PRR33: variants seen among roughly 807,000 people sequenced by gnomAD.
PRR33 encodes proline rich 33.
A neutral mutation model predicts 0.5 loss-of-function variants in PRR33; 1 was observed. The observed-to-expected ratio is 2.18, with a 90% CI of 0.77 to 10.34. PRR33 has a LOEUF of 10.34. PRR33 is among the 30% of genes most tolerant of loss of function. The pLI is 0.13. For synonymous variants in PRR33, 226 were observed against 110.0 expected, an observed-to-expected ratio of 2.06 and a Z score of -6.60; for missense variants, 552 against 251.8, an observed-to-expected ratio of 2.19 and a Z score of -8.07.
At chr11:1,904,618 C>T in the PRR33 span, among the ~76,000 whole-genome samples, 2 of 151,674 alleles carry the variant, frequency 1.3e-5, no homozygotes, top group Non-Finnish European at 2.9e-5. Context: ...GAGGCTGAGG[C>T]AGGTGGATCA....
chr11:1,911,321 A>G, the PRR33 span, among the ~76,000 whole-genome samples: 3 of 150,428 alleles, frequency 2.0e-5, no homozygotes, highest in Non-Finnish European at 3.0e-5. Context: ...GGGCGCCTGT[A>G]ATCCCAGCTA....
chr11:1,908,524 C>T, the PRR33 span, among the ~76,000 whole-genome samples: 16 of 151,962 alleles, frequency 1.1e-4, no homozygotes, highest in Non-Finnish European at 1.9e-4. Flanking sequence ...TCAAGAGGAC[C>T]GTCGCTAAGT....
At chr11:1,913,493 G>A in the PRR33 span, among the ~76,000 whole-genome samples, 392 of 152,254 alleles carry the variant, frequency 2.6e-3, 1 homozygote, top group African/African-American at 9.0e-3. Context: ...CCTCTGTCTT[G>A]TTTTAGCTGC....
At chr11:1,910,932 G>A in the PRR33 span, among the ~76,000 whole-genome samples, 1 of 152,056 alleles carries the variant, frequency 6.6e-6, no homozygotes, top group Non-Finnish European at 1.5e-5. Flanking sequence ...TTTTTCTAAT[G>A]GTGTCCTACC....
exon 1 of PRR33, chr11:1,889,308 G>T (rs1015277947): frequency 2.8e-6 from 2 of 706,876 alleles, no homozygotes; most frequent in South Asian, 3.0e-5. Flanking sequence ...GCTGGCTGGG[G>T]TGTGCTCCCC....
the PRR33 span, among the ~76,000 whole-genome samples, chr11:1,898,156 C>G: frequency 6.6e-6 from 1 of 152,166 alleles, no homozygotes; most frequent in Non-Finnish European, 1.5e-5. Flanking sequence ...TCCCACACAC[C>G]TTTAGCAAGA....
the PRR33 span, among the ~76,000 whole-genome samples, chr11:1,904,543 AAAG>A: frequency 2.6e-5 from 4 of 151,362 alleles, no homozygotes; most frequent in Non-Finnish European, 5.9e-5. Flanking sequence ...AAGAAAAAAA[AAAG>A]AAGAAATTTA....
the PRR33 span, among the ~76,000 whole-genome samples, chr11:1,916,179 C>T: frequency 6.6e-6 from 1 of 152,128 alleles, no homozygotes; most frequent in African/African-American, 2.4e-5. Flanking sequence ...TGTCCCTCCT[C>T]TCCCAGGTCT....
At chr11:1,898,588 G>C in the PRR33 span, among the ~76,000 whole-genome samples, 2,577 of 152,288 alleles carry the variant, frequency 0.017, 84 homozygotes, top group African/African-American at 0.06. Context: ...GGAAAAAGAG[G>C]CCTCACAAAC....
exon 1 of PRR33, chr11:1,889,039 G>T: frequency 1.7e-6 from 1 of 575,720 alleles, no homozygotes; most frequent in Non-Finnish European, 3.1e-6. Flanking sequence ...ATGCCCCTTG[G>T]GCCCTGGTGC....
At chr11:1,915,139 CTGTGTG>C in the PRR33 span, among the ~76,000 whole-genome samples, 727 of 128,590 alleles carry the variant, frequency 5.7e-3, 2 homozygotes, top group African/African-American at 0.021. Context: ...GATGATGTTT[CTGTGTG>C]TGTGTGTGTG....
the PRR33 span, among the ~76,000 whole-genome samples, chr11:1,911,391 G>C: frequency 1.3e-5 from 2 of 151,990 alleles, no homozygotes; most frequent in African/African-American, 2.4e-5. Context: ...GCAGTGAGCC[G>C]AGATTGTGCC....
chr11:1,909,195 C>G, the PRR33 span, among the ~76,000 whole-genome samples: 1 of 151,998 alleles, frequency 6.6e-6, no homozygotes, highest in African/African-American at 2.4e-5. Context: ...CAGTGAGTCT[C>G]TACAAAAAAT....
At chr11:1,895,672 C>T (rs1319450897), upstream of PRR33, among the ~76,000 whole-genome samples, 2 of 152,204 alleles carry the variant, frequency 1.3e-5, no homozygotes, top group East Asian at 3.8e-4. Context: ...TCCAGCTTTA[C>T]ATTTAGACCC....
rs958827118 is a variant in PRR33 at position 1,890,541 on chromosome 11, G to C, written c.44C>G (p.Pro15Arg). Residue 15 changes from proline (P) to arginine (R), a missense_variant, in exon 1 of 1, where the codon CCA becomes CGA. Transcript: ENST00000640310. Reference sequence around the variant, plus strand: ...GGGTCCAGGGGTTCCCTGGAGGCTTGGGCCGCACACCTCGGGTGCCATCGA... The same window carrying C: ...GGGTCCAGGGGTTCCCTGGAGGCTTCGGCCGCACACCTCGGGTGCCATCGA... The C allele has an allele frequency of 5.6e-6, 4 of 714,440 alleles. No homozygotes were observed. The African/African-American group carries it at 7.0e-5, about 12-fold the overall frequency. The allele number at this position is 714,440 out of a possible 1,614,324, so 44.3% of individuals were successfully genotyped here.
chr11:1,888,335 C>T (rs374400324), exon 1 of PRR33, among the ~76,000 whole-genome samples: 3 of 152,204 alleles, frequency 2.0e-5, no homozygotes, highest in Admixed American at 6.5e-5. Flanking sequence ...TTCTCTGTCC[C>T]GCTTGGCCAA....
the PRR33 span, among the ~76,000 whole-genome samples, chr11:1,909,887 G>A: frequency 6.6e-6 from 1 of 152,322 alleles, no homozygotes; most frequent in East Asian, 1.9e-4. Context: ...CTGCTGGCAG[G>A]GACGTTTCAT....
At chr11:1,890,672 A>G in exon 1 of PRR33, 1 of 641,276 alleles carries the variant, frequency 1.6e-6, no homozygotes, top group Admixed American at 2.3e-5. Context: ...TGGTCCAAGG[A>G]GGACCTGGGG....
the PRR33 span, among the ~76,000 whole-genome samples, chr11:1,900,566 T>G: frequency 3.9e-5 from 6 of 152,194 alleles, no homozygotes; most frequent in Admixed American, 6.5e-5. Flanking sequence ...ACTGTGTGTG[T>G]TTGTGAGTTT....
Sources: gnomAD v4.1 joint callset for allele counts (sites outside exome capture counted in the v4.1 genomes callset) on GRCh38, gnomAD v4.1.1 for gene constraint, MANE v1.5 for transcripts, NCBI Gene and HGNC (gene_info 2026-07-23, HGNC 2026-07-21) for gene names.